Variants in GALNT13 observed in about 807,000 individuals in gnomAD.
GALNT13 encodes the protein polypeptide N-acetylgalactosaminyltransferase 13.
GALNT13 carries 28 observed loss-of-function variants against 64.2 expected under a neutral mutation model. The observed-to-expected ratio is 0.44, with a 90% CI of 0.32 to 0.60. The LOEUF (loss-of-function observed/expected upper bound fraction) is 0.60. GALNT13 is among the 20% of genes least tolerant of loss of function. GALNT13 has a pLI of 0.05. For missense variants in GALNT13, 577 were observed against 669.8 expected (o/e 0.86, Z 1.53); for synonymous variants, 214 against 224.6 (o/e 0.95, Z 0.42).
the GALNT13 span, among the ~76,000 whole-genome samples, chr2:153,107,556 G>T: frequency 6.6e-6 from 1 of 152,070 alleles, no homozygotes; most frequent in African/African-American, 2.4e-5. Flanking sequence ...GCAAACTAAA[G>T]GAAAATACAT....
At chr2:154,448,583 G>A (rs1701713950) in intron 12 of GALNT13, among the ~76,000 whole-genome samples, 1 of 152,002 alleles carries the variant, frequency 6.6e-6, no homozygotes, top group Non-Finnish European at 1.5e-5. Context: ...GCAGCAGTGG[G>A]TTTTGACTAT....
At chr2:154,286,766 C>A in intron 8 of GALNT13, 1 of 323,640 alleles carries the variant, frequency 3.1e-6, no homozygotes, top group South Asian at 2.8e-5. Context: ...TTTCTCATGC[C>A]ATGGGTACAG....
chr2:153,068,692 T>G, the GALNT13 span, among the ~76,000 whole-genome samples: 1 of 152,318 alleles, frequency 6.6e-6, no homozygotes, highest in South Asian at 2.1e-4. Context: ...CTTGGTGTGC[T>G]TGGTGCCTGT....
chr2:153,961,490 G>C (rs915051657), intron 3 of GALNT13, among the ~76,000 whole-genome samples: 7 of 152,066 alleles, frequency 4.6e-5, no homozygotes, highest in African/African-American at 1.7e-4. Context: ...TTAGTGTAAA[G>C]GGAGGTAATA....
intron 4 of GALNT13, among the ~76,000 whole-genome samples, chr2:154,199,333 A>G (rs967096293): frequency 6.6e-6 from 1 of 152,054 alleles, no homozygotes; most frequent in Non-Finnish European, 1.5e-5. Context: ...TAGGAAGTAG[A>G]ATAAAATATG....
chr2:154,437,722 G>A (rs760589836), intron 11 of GALNT13: 11 of 415,250 alleles, frequency 2.6e-5, no homozygotes, highest in Non-Finnish European at 4.3e-5. Context: ...CGGCATGGTG[G>A]CGCATGCCTG....
At chr2:153,538,494 A>C in the GALNT13 span, among the ~76,000 whole-genome samples, 3 of 105,696 alleles carry the variant, frequency 2.8e-5, no homozygotes, top group African/African-American at 4.0e-5. Context: ...GCACCCACTA[A>C]CTCATCATCT....
the GALNT13 span, among the ~76,000 whole-genome samples, chr2:153,599,135 A>G: frequency 7.2e-5 from 11 of 152,184 alleles, no homozygotes; most frequent in African/African-American, 2.2e-4. Flanking sequence ...ATAGTAATTG[A>G]CTGCATGCTG....
At chr2:153,403,494 AG>A in the GALNT13 span, among the ~76,000 whole-genome samples, 1 of 152,180 alleles carries the variant, frequency 6.6e-6, no homozygotes, top group Non-Finnish European at 1.5e-5. Context: ...TACCTAATCA[AG>A]CCTGGGCAAA....
the GALNT13 span, among the ~76,000 whole-genome samples, chr2:153,613,326 G>A: frequency 6.6e-6 from 1 of 152,100 alleles, no homozygotes; most frequent in Non-Finnish European, 1.5e-5. Flanking sequence ...AGATTTTATA[G>A]ACACTTTTGC....
the GALNT13 span, among the ~76,000 whole-genome samples, chr2:153,745,163 T>C: frequency 4.6e-5 from 7 of 152,104 alleles, no homozygotes; most frequent in Non-Finnish European, 8.8e-5. Context: ...CAGAATACTC[T>C]TGGAGAGATC....
chr2:153,154,160 T>C, the GALNT13 span, among the ~76,000 whole-genome samples: 5 of 152,164 alleles, frequency 3.3e-5, no homozygotes, highest in Non-Finnish European at 7.4e-5. Flanking sequence ...ATTTGAATTG[T>C]AGCTCCCATA....
At chr2:153,077,831 G>T in the GALNT13 span, among the ~76,000 whole-genome samples, 1 of 152,156 alleles carries the variant, frequency 6.6e-6, no homozygotes, top group Non-Finnish European at 1.5e-5. Flanking sequence ...TATTTTTAAG[G>T]TCTAATTGGT....
the GALNT13 span, among the ~76,000 whole-genome samples, chr2:153,112,135 T>A: frequency 1.3e-5 from 2 of 152,106 alleles, no homozygotes; most frequent in African/African-American, 4.8e-5. Context: ...AGTGTGACAT[T>A]TCTAGCCTCT....
the GALNT13 span, among the ~76,000 whole-genome samples, chr2:153,837,980 A>G: frequency 2.6e-5 from 4 of 152,018 alleles, no homozygotes; most frequent in African/African-American, 9.7e-5. Context: ...GTGTGAGGTG[A>G]CATCTCGTTG....
chr2:154,333,002 C>G (rs1293635981), intron 9 of GALNT13, among the ~76,000 whole-genome samples: 1 of 152,062 alleles, frequency 6.6e-6, no homozygotes, highest in African/African-American at 2.4e-5. Context: ...TCACTTCATT[C>G]TCAGTGTTTC....
chr2:153,368,114 A>G, the GALNT13 span, among the ~76,000 whole-genome samples: 1 of 152,146 alleles, frequency 6.6e-6, no homozygotes, highest in Admixed American at 6.6e-5. Context: ...GAGTAAAATA[A>G]TGGAGATCTA....
At chr2:153,820,343 T>C in the GALNT13 span, among the ~76,000 whole-genome samples, 1 of 152,086 alleles carries the variant, frequency 6.6e-6, no homozygotes. Context: ...TTCCCTAATA[T>C]GGTTAGAGAG....
At chr2:153,150,599 GT>G in the GALNT13 span, among the ~76,000 whole-genome samples, 4 of 152,070 alleles carry the variant, frequency 2.6e-5, no homozygotes, top group Non-Finnish European at 5.9e-5. Context: ...GGTTTTTATG[GT>G]TTTAGGTCTA....
Sources: gnomAD v4.1 joint callset for allele counts (sites outside exome capture counted in the v4.1 genomes callset) on GRCh38, gnomAD v4.1.1 for gene constraint, MANE v1.5 for transcripts, NCBI Gene and HGNC (gene_info 2026-07-23, HGNC 2026-07-21) for gene names.